The following DSC1 variants were observed in gnomAD, a reference collection of about 807,000 sequenced individuals.
DSC1 encodes desmocollin-1.
In DSC1, 79 loss-of-function variants were observed where a neutral mutation model predicts 98.8. The ratio of observed to expected loss-of-function variants is 0.80; its 90% CI spans 0.67 to 0.96. The LOEUF is 0.96. Ranked by LOEUF, DSC1 falls within the 50% of genes least tolerant of loss-of-function variation. DSC1 has a pLI of 0.00. For synonymous variants in DSC1, 405 were observed against 372.1 expected, an observed-to-expected ratio of 1.09 and a Z score of -1.02; for missense variants, 1,115 against 1,075.9, an observed-to-expected ratio of 1.04 and a Z score of -0.51.
chr18:31,141,794 A>G (rs1988742115), intron 9 of DSC1, among the ~76,000 whole-genome samples: 1 of 152,192 alleles, frequency 6.6e-6, no homozygotes, highest in Admixed American at 6.5e-5. Context: ...ATAGAGAACA[A>G]TGAGTTTTGT....
At chr18:31,149,115 A>T (rs1988908314) in intron 5 of DSC1, among the ~76,000 whole-genome samples, 1 of 152,184 alleles carries the variant, frequency 6.6e-6, no homozygotes, top group Non-Finnish European at 1.5e-5. Context: ...CTTTGCAATA[A>T]AAATGTTAAT....
rs1223590719 is a variant in DSC1 at position 31,130,358 on chromosome 18, G to A, written c.*156C>T. On this transcript the variant is annotated 3_prime_UTR_variant, in exon 16 of 16. Transcript: ENST00000257198. ...AGAACATGGAAGTTATACCAGACAAGGAGAATGTAGGGGAATCTCATATTT... is the reference window on the plus strand; with the variant it reads ...AGAACATGGAAGTTATACCAGACAAAGAGAATGTAGGGGAATCTCATATTT... The A allele has an allele frequency of 6.7e-6, 5 of 748,692 alleles. No homozygotes were observed. In the African/African-American group the frequency reaches 8.9e-5, roughly 13 times the overall value. The allele number at this position is 748,692 out of a possible 1,614,324, so 46.4% of individuals were successfully genotyped here.
chr18:31,159,879 T>C (rs892179093), intron 1 of DSC1, among the ~76,000 whole-genome samples: 4 of 152,162 alleles, frequency 2.6e-5, no homozygotes, highest in Non-Finnish European at 4.4e-5. Flanking sequence ...ATGAAGAAAA[T>C]ACTTACCTTT....
At chr18:31,142,235 C>G in intron 8 of DSC1, 51 bp from the exon 9 acceptor site, 3 of 1,549,474 alleles carry the variant, frequency 1.9e-6, no homozygotes, top group Non-Finnish European at 8.7e-7. Context: ...GACAATGTAG[C>G]TTTATATTCT....
chr18:31,131,435 T>G (rs2144910736), intron 15 of DSC1, 159 bp downstream of exon 15: 1 of 1,012,066 alleles, frequency 9.9e-7, no homozygotes. Flanking sequence ...AAGATCATTT[T>G]TATCTTTGGG....
intron 11 of DSC1, among the ~76,000 whole-genome samples, chr18:31,138,508 A>G (rs1012960384): frequency 6.6e-6 from 1 of 152,106 alleles, no homozygotes; most frequent in African/African-American, 2.4e-5. Flanking sequence ...AGAACTTAAT[A>G]GACAAACCAC....
chr18:31,148,680 C>A, intron 5 of DSC1, 38 bp from the exon 6 acceptor site: 1 of 1,492,894 alleles, frequency 6.7e-7, no homozygotes, highest in Non-Finnish European at 9.1e-7. Context: ...TATTCTCAAA[C>A]CACAAATTAT....
Position 31,142,065 on chromosome 18 carries a change from A to G in DSC1, c.1194T>C (p.Asn398=). Residue 398 remains asparagine, a synonymous_variant, in exon 9 of 16, where the codon AAT becomes AAC. Coordinates refer to ENST00000257198, the MANE Select transcript of DSC1 (RefSeq NM_024421.2). ...TGCTAATTATGAAGTTTCCATTTTC[A>G]TTTCCTTGTAGGATTTTGTATACAG... ...SKAVYKILQG[N]ENGNFIISTD... is the part of the protein sequence containing the mutation. The G allele has an allele frequency of 1.2e-6, 2 of 1,613,010 alleles. No homozygotes were observed. Among genetic ancestry groups the G allele is most frequent in the Non-Finnish European group, 1.7e-6 (2 of 1,179,648 alleles).
chr18:31,161,354 A>G (rs1190586462), intron 1 of DSC1, among the ~76,000 whole-genome samples: 1 of 150,750 alleles, frequency 6.6e-6, no homozygotes, highest in Non-Finnish European at 1.5e-5. Context: ...GCGTGTGTGT[A>G]TATATATATA....
intron 6 of DSC1, among the ~76,000 whole-genome samples, 192 bp from the exon 7 acceptor site, chr18:31,145,969 T>C (rs1231556636): frequency 3.3e-5 from 5 of 152,212 alleles, no homozygotes; most frequent in African/African-American, 1.2e-4. Flanking sequence ...TTCAGTTAGG[T>C]GGCCCCTGTG....
At chr18:31,148,676 C>A in intron 5 of DSC1, 34 bp from the exon 6 acceptor site, 1 of 1,501,570 alleles carries the variant, frequency 6.7e-7, no homozygotes, top group South Asian at 1.4e-5. Flanking sequence ...AATGTATTCT[C>A]AAACCACAAA....
rs144657792 is a variant in DSC1 at position 31,131,685 on chromosome 18, G to A, written c.2396C>T (p.Thr799Ile). 52 of 1,614,064 alleles carry A rather than the reference G, an allele frequency of 3.2e-5. No individual in the cohort carries two copies. In the East Asian group the frequency reaches 9.6e-4, roughly 30 times the overall value. ...CCCCACTCCCTTGACGGACTCCAAG[G>A]TCTGATGTCCACCTCCTTTGTTGGA... ...LDSNKGGGHQ[T>I]LESVKGVGQG... Residue 799 changes from threonine (T) to isoleucine (I), a missense_variant, in exon 15 of 16, where the codon ACC becomes ATC. Thr to Ile is a moderately conservative substitution (Grantham distance 89, BLOSUM62 -1). Coordinates refer to ENST00000257198, the MANE Select transcript of DSC1 (RefSeq NM_024421.2).
chr18:31,149,404 G>A (rs1029243557), intron 5 of DSC1, among the ~76,000 whole-genome samples: 16 of 152,164 alleles, frequency 1.1e-4, no homozygotes, highest in African/African-American at 3.6e-4. Flanking sequence ...AAGTGAACTA[G>A]GATTAAAATT....
Position 31,140,197 on chromosome 18 carries a change from A to C in DSC1, c.1365T>G (p.Thr455=), listed in dbSNP as rs754460202. The change falls in exon 10 of 16, where the codon ACT becomes ACG. Residue 455 remains threonine, a synonymous_variant. Coordinates refer to ENST00000257198, the MANE Select transcript of DSC1 (RefSeq NM_024421.2). ...AASSQTPTMC[T]TTVTVKIIDS... Reference sequence around the variant, plus strand: ...CTATAATTTTAACGGTGACAGTTGTAGTGCACATTGTAGGAGTTTGTGAGC... The same window carrying C: ...CTATAATTTTAACGGTGACAGTTGTCGTGCACATTGTAGGAGTTTGTGAGC... The C allele has an allele frequency of 2.5e-6, 4 of 1,613,904 alleles. No individual in the cohort carries two copies. Among genetic ancestry groups the C allele is most frequent in the African/African-American group, 1.3e-5 (1 of 74,914 alleles).
chr18:31,140,310 T>C lies in DSC1; in HGVS notation c.1261-9A>G. On this transcript the variant is annotated splice_polypyrimidine_tract_variant and intron_variant, in intron 9 of 15. Transcript: ENST00000257198. ...ACTTCATAGTTCAATGGCTGTTAAA[T>C]AAGCATACTTTAATAAGTCAATATA... 1 of 1,613,224 alleles carries C rather than the reference T, an allele frequency of 6.2e-7. No individual in the cohort carries two copies. Among genetic ancestry groups the C allele is most frequent in the Non-Finnish European group, 8.5e-7 (1 of 1,179,414 alleles).
Position 31,140,066 on chromosome 18 carries a change from T to G in DSC1, c.1496A>C (p.Glu499Ala), listed in dbSNP as rs1422971166. The change falls in exon 10 of 16, where the codon GAA becomes GCA. Residue 499 changes from glutamate to alanine, a missense_variant. Coordinates refer to ENST00000257198, the MANE Select transcript of DSC1 (RefSeq NM_024421.2). ...CCTTAAGCCTTCACCACTGGATATTTCCGGGTCCAGTGCTTTGTATCCAAG... is the reference window on the plus strand; with the variant it reads ...CCTTAAGCCTTCACCACTGGATATTGCCGGGTCCAGTGCTTTGTATCCAAG... ...ELLGYKALDPEISSGEGLRYQ... is the reference protein window; with the variant it reads ...ELLGYKALDPAISSGEGLRYQ... The G allele has an allele frequency of 2.3e-5, 37 of 1,613,876 alleles. No homozygotes were observed. The highest frequency in any genetic ancestry group is 3.1e-5 in the Non-Finnish European group (36 of 1,179,918).
chr18:31,149,149 T>C (rs2144944947), intron 5 of DSC1, among the ~76,000 whole-genome samples: 1 of 152,290 alleles, frequency 6.6e-6, no homozygotes, highest in Admixed American at 6.5e-5. Flanking sequence ...TACCAGAAAT[T>C]CCATTTCAAA....
At position 31,146,997 on chromosome 18, in the gene DSC1, T is replaced by C. The variant is rs373444012; in HGVS notation, c.773-1220A>G. Reference sequence around the variant, plus strand: ...TTGCATTAGTATTGTGAAACAGCAATATTATTCACACATATGTACATGGAA... The same window carrying C: ...TTGCATTAGTATTGTGAAACAGCAACATTATTCACACATATGTACATGGAA... On this transcript the variant is annotated intron_variant, in intron 6 of 15. Transcript: ENST00000257198. Among the ~76,000 whole-genome samples the C allele has an allele frequency of 4.6e-5, 7 of 152,150 alleles. No homozygotes were observed. In the East Asian group the frequency reaches 5.8e-4, roughly 13 times the overall value.
At chr18:31,148,071 G>T (rs1197409259) in intron 6 of DSC1, among the ~76,000 whole-genome samples, 1 of 151,932 alleles carries the variant, frequency 6.6e-6, no homozygotes, top group Non-Finnish European at 1.5e-5. Context: ...TGGATTTCTG[G>T]GTATAGTCCC....
Sources: gnomAD v4.1 joint callset for allele counts (sites outside exome capture counted in the v4.1 genomes callset) on GRCh38, gnomAD v4.1.1 for gene constraint, MANE v1.5 for transcripts, NCBI Gene and HGNC (gene_info 2026-07-23, HGNC 2026-07-21) for gene names.